The following PPARGC1A variants were observed in gnomAD, a reference collection of about 807,000 sequenced individuals.
PPARGC1A encodes the protein peroxisome proliferator-activated receptor gamma coactivator 1-alpha.
PPARGC1A carries 25 observed loss-of-function variants against 88.7 expected under a neutral mutation model. The observed-to-expected ratio is 0.28, with a 90% confidence interval of 0.21 to 0.39. PPARGC1A has a LOEUF of 0.39. Among genes scored for constraint, PPARGC1A ranks in the 10% least tolerant of loss-of-function variants. The pLI is 1.00. For missense variants in PPARGC1A, 880 were observed against 968.7 expected (o/e 0.91, Z 1.22); for synonymous variants, 363 against 355.6 (o/e 1.02, Z -0.24).
chr4:24,083,276 A>T, the PPARGC1A span, among the ~76,000 whole-genome samples: 3 of 152,178 alleles, frequency 2.0e-5, no homozygotes, highest in African/African-American at 7.2e-5. Context: ...TAACTGAGCT[A>T]TAGCTTTTTA....
chr4:24,289,090 T>G, the PPARGC1A span, among the ~76,000 whole-genome samples: 23 of 151,582 alleles, frequency 1.5e-4, no homozygotes, highest in African/African-American at 5.6e-4. Flanking sequence ...CGTAGTGGTG[T>G]CTGCCTGTAA....
chr4:24,085,937 A>G, the PPARGC1A span, among the ~76,000 whole-genome samples: 1 of 152,140 alleles, frequency 6.6e-6, no homozygotes, highest in Non-Finnish European at 1.5e-5. Flanking sequence ...CCCCTCATTC[A>G]GAGGTGGTAA....
chr4:24,110,336 T>C, the PPARGC1A span, among the ~76,000 whole-genome samples: 2 of 152,196 alleles, frequency 1.3e-5, no homozygotes, highest in South Asian at 4.1e-4. Flanking sequence ...AACCCGTGGT[T>C]TTTAGGATGA....
the PPARGC1A span, among the ~76,000 whole-genome samples, chr4:24,065,934 C>G: frequency 7.2e-5 from 11 of 152,338 alleles, no homozygotes; most frequent in South Asian, 2.3e-3. Context: ...CCACTTCCTT[C>G]TCAGAAGCTC....
the PPARGC1A span, among the ~76,000 whole-genome samples, chr4:24,062,568 A>G: frequency 6.6e-6 from 1 of 152,088 alleles, no homozygotes; most frequent in Non-Finnish European, 1.5e-5. Flanking sequence ...GCCTCCTCCA[A>G]CTAGCCTGGG....
the PPARGC1A span, among the ~76,000 whole-genome samples, chr4:24,062,856 TA>T: frequency 2.6e-5 from 4 of 152,254 alleles, no homozygotes; most frequent in Non-Finnish European, 5.9e-5. Context: ...TCTTATTTTT[TA>T]GTCCTTGTAT....
chr4:23,905,277 A>C (rs1225821851), upstream of PPARGC1A, among the ~76,000 whole-genome samples: 1 of 152,234 alleles, frequency 6.6e-6, no homozygotes, highest in Non-Finnish European at 1.5e-5. Flanking sequence ...TCAGACAAGG[A>C]AGTCAACAAC....
intron 2 of PPARGC1A, among the ~76,000 whole-genome samples, chr4:23,863,839 C>T (rs1577561384): frequency 6.6e-6 from 1 of 152,178 alleles, no homozygotes; most frequent in Admixed American, 6.5e-5. Context: ...CTCTGCCTCC[C>T]AGGTTCAAGT....
At chr4:24,368,140 T>C in the PPARGC1A span, among the ~76,000 whole-genome samples, 2 of 152,226 alleles carry the variant, frequency 1.3e-5, no homozygotes, top group African/African-American at 2.4e-5. Context: ...CTTTGCTGTA[T>C]GTTAAGAGGT....
At chr4:24,386,642 A>G in the PPARGC1A span, among the ~76,000 whole-genome samples, 1 of 152,192 alleles carries the variant, frequency 6.6e-6, no homozygotes, top group Non-Finnish European at 1.5e-5. Flanking sequence ...CCCATTCACA[A>G]TTGCTACAAA....
Position 23,814,485 on chromosome 4 carries a change from T to C in PPARGC1A, c.998A>G (p.Tyr333Cys). 1 of 1,613,816 alleles carries C rather than the reference T, an allele frequency of 6.2e-7. No homozygotes were observed. The highest frequency in any genetic ancestry group is 1.1e-5 in the South Asian group (1 of 91,060). Residue 333 changes from tyrosine to cysteine, a missense_variant, in exon 8 of 13, where the codon TAC becomes TGC. Coordinates refer to ENST00000264867, the MANE Select transcript of PPARGC1A (RefSeq NM_013261.5). ...GCCTTGTGTACCAGAAGACTCACTGTACCTGGGCTTCTTTGATGGTGGTGG... is the reference window on the plus strand; with the variant it reads ...GCCTTGTGTACCAGAAGACTCACTGCACCTGGGCTTCTTTGATGGTGGTGG... ...VVPPPSKKPRYSESSGTQGNN... is the reference protein window; with the variant it reads ...VVPPPSKKPRCSESSGTQGNN...
the PPARGC1A span, among the ~76,000 whole-genome samples, chr4:24,072,572 G>C: frequency 3.9e-5 from 6 of 151,932 alleles, no homozygotes; most frequent in South Asian, 1.2e-3. Context: ...ATTTATATTT[G>C]AGTCCTCCAA....
the PPARGC1A span, among the ~76,000 whole-genome samples, chr4:24,430,068 C>A: frequency 3.3e-5 from 5 of 152,038 alleles, no homozygotes; most frequent in Non-Finnish European, 7.4e-5. Flanking sequence ...GCCTTACATG[C>A]CAAGTGAAAG....
chr4:23,810,981 T>G (rs934700626), intron 10 of PPARGC1A, among the ~76,000 whole-genome samples: 2 of 152,226 alleles, frequency 1.3e-5, no homozygotes, highest in African/African-American at 2.4e-5. Flanking sequence ...TGTTAACTAA[T>G]GACACTTTGG....
At chr4:23,978,884 G>C in the PPARGC1A span, among the ~76,000 whole-genome samples, 4 of 152,104 alleles carry the variant, frequency 2.6e-5, no homozygotes, top group Admixed American at 6.5e-5. Flanking sequence ...AATTATAAAA[G>C]AGTAAACTGA....
At chr4:23,914,716 C>T in the PPARGC1A span, among the ~76,000 whole-genome samples, 729 of 152,264 alleles carry the variant, frequency 4.8e-3, 4 homozygotes, top group Non-Finnish European at 7.6e-3. Context: ...ACCATGCCAA[C>T]GGCAGTCAGT....
At chr4:24,177,441 G>T in the PPARGC1A span, among the ~76,000 whole-genome samples, 7 of 142,344 alleles carry the variant, frequency 4.9e-5, no homozygotes, top group African/African-American at 1.8e-4. Flanking sequence ...ACAGGAAGGG[G>T]AACATCACAC....
chr4:24,248,458 G>A, the PPARGC1A span, among the ~76,000 whole-genome samples: 1 of 151,822 alleles, frequency 6.6e-6, no homozygotes, highest in Non-Finnish European at 1.5e-5. Context: ...CCCAAGAGTT[G>A]GAGATAAGAC....
chr4:24,108,996 TCACACACACA>T, the PPARGC1A span, among the ~76,000 whole-genome samples: 3 of 139,200 alleles, frequency 2.2e-5, no homozygotes, highest in African/African-American at 7.9e-5. Context: ...GCTATAAAAA[TCACACACACA>T]CACACACACA....
Sources: gnomAD v4.1 joint callset for allele counts (sites outside exome capture counted in the v4.1 genomes callset) on GRCh38, gnomAD v4.1.1 for gene constraint, MANE v1.5 for transcripts, NCBI Gene and HGNC (gene_info 2026-07-23, HGNC 2026-07-21) for gene names.